Variants in COPG1 observed in about 807,000 individuals in gnomAD.
COPG1 encodes the protein coatomer subunit gamma-1.
COPG1 carries 29 observed loss-of-function variants against 102.8 expected under a neutral mutation model. The observed-to-expected ratio is 0.28, with a 90% confidence interval of 0.21 to 0.38. The LOEUF (loss-of-function observed/expected upper bound fraction) is 0.38, where lower values mean the gene tolerates loss of function less well. Among genes scored for constraint, COPG1 ranks in the 10% least tolerant of loss-of-function variants. The pLI is 1.00. For synonymous variants in COPG1, 406 were observed against 421.6 expected, an observed-to-expected ratio of 0.96 and a Z score of 0.45; for missense variants, 875 against 1,132.7, an observed-to-expected ratio of 0.77 and a Z score of 3.27.
chr3:129,253,931 T>G (rs1576960209), intron 5 of COPG1, among the ~76,000 whole-genome samples: 2 of 121,922 alleles, frequency 1.6e-5, no homozygotes, highest in East Asian at 2.4e-4. Flanking sequence ...ACTGGGGAGG[T>G]GGAGGTTGCA....
intron 23 of COPG1, among the ~76,000 whole-genome samples, chr3:129,276,534 A>T (rs1332319689): frequency 6.6e-6 from 1 of 152,190 alleles, no homozygotes; most frequent in East Asian, 1.9e-4. Flanking sequence ...CAGGGTTGAA[A>T]GGAGGCTCTG....
intron 12 of COPG1, among the ~76,000 whole-genome samples, chr3:129,262,150 A>G (rs1451430930): frequency 1.3e-5 from 2 of 152,058 alleles, no homozygotes; most frequent in Non-Finnish European, 2.9e-5. Flanking sequence ...ACGGTGGCTC[A>G]TGCTTGTAGT....
chr3:129,254,563 G>T (rs1411225300), intron 5 of COPG1, 105 bp from the exon 6 acceptor site: 2 of 747,832 alleles, frequency 2.7e-6, no homozygotes, highest in Non-Finnish European at 4.6e-6. Flanking sequence ...GAGAGCACTG[G>T]TTAGGAGGCT....
At chr3:129,252,845 G>T (rs541331541) in intron 4 of COPG1, 31 bp from the exon 5 acceptor site, 1 of 1,609,862 alleles carries the variant, frequency 6.2e-7, no homozygotes, top group Admixed American at 1.7e-5. Context: ...GTGAGCCCGG[G>T]CTGATAGGGC....
At chr3:129,267,648 A>T (rs1940093927) in intron 15 of COPG1, among the ~76,000 whole-genome samples, 1 of 152,180 alleles carries the variant, frequency 6.6e-6, no homozygotes. Context: ...TTGAGATATA[A>T]TTCACATACC....
chr3:129,259,115 A>G (rs1939871530), intron 10 of COPG1, among the ~76,000 whole-genome samples: 1 of 152,166 alleles, frequency 6.6e-6, no homozygotes, highest in African/African-American at 2.4e-5. Context: ...GGTCAGGCAA[A>G]CAGATGGAGT....
At chr3:129,253,154 C>T (rs1029433712) in intron 5 of COPG1, 199 bp downstream of exon 5, 1 of 530,806 alleles carries the variant, frequency 1.9e-6, no homozygotes, top group Non-Finnish European at 3.4e-6. Context: ...TTGACTTGGA[C>T]ACAAATGCTT....
rs200915564 is a variant in COPG1 at position 129,265,979 on chromosome 3, G to GT, written c.1468+198dup. On this transcript the variant is annotated intron_variant, in intron 14 of 23. Coordinates refer to ENST00000314797, the MANE Select transcript of COPG1 (RefSeq NM_016128.4). ...TGAACAGTTCTTTGTTTTTTGTTTT[G>GT]TTTTTTTTTTTGAGATGGAATCTCG... 1.8e-3 allele frequency among the ~76,000 whole-genome samples: 255 copies of GT among 144,060 alleles called. 4 individuals are homozygous for GT. In the East Asian group the frequency reaches 0.029, roughly 16 times the overall value. 94.5% of individuals were successfully genotyped at this position (144,060 alleles called of 152,430 possible).
chr3:129,262,973 A>G (rs545716109), intron 12 of COPG1, among the ~76,000 whole-genome samples: 109 of 146,956 alleles, frequency 7.4e-4, no homozygotes, highest in African/African-American at 2.7e-3. Flanking sequence ...CAGTAAGCCG[A>G]GATCGTGCCA....
At chr3:129,264,672 TGG>T (rs979610620) in intron 13 of COPG1, among the ~76,000 whole-genome samples, 2 of 152,034 alleles carry the variant, frequency 1.3e-5, no homozygotes, top group African/African-American at 4.8e-5. Context: ...TAAGTAGAGA[TGG>T]GGTCTTGCTG....
chr3:129,271,722 G>A lies in COPG1; in HGVS notation c.1844-45G>A. 1 of 1,608,396 alleles carries A rather than the reference G, an allele frequency of 6.2e-7. No homozygotes were observed. On this transcript the variant is annotated intron_variant, in intron 18 of 23. Coordinates refer to ENST00000314797, the MANE Select transcript of COPG1 (RefSeq NM_016128.4). This position sits in a 1 kb window ranked among gnomAD's most constrained non-coding sequence, Gnocchi z 4.7. ...TTTATTAGAAACCATCAACAAGTTG[G>A]TCTGGGGATCGAGAAGCTGAGTGAA...
rs138400412 is a variant in COPG1 at position 129,266,952 on chromosome 3, G to A, written c.1469-72G>A. 1.5e-4 allele frequency: 208 copies of A among 1,351,896 alleles called. 2 individuals are homozygous for A. The East Asian group carries it at 3.5e-3, about 22-fold the overall frequency. 83.7% of individuals were successfully genotyped at this position (1,351,896 alleles called of 1,614,324 possible). A position where few individuals can be genotyped will look rare whatever the true frequency, so the allele number is the denominator to read the frequency against. Reference sequence around the variant, plus strand: ...GCTCTTCTGCCTGAAGACCCATTCTGAGTGCTGGAAGTGCCCAAACAGTGA... The same window carrying A: ...GCTCTTCTGCCTGAAGACCCATTCTAAGTGCTGGAAGTGCCCAAACAGTGA... On this transcript the variant is annotated intron_variant, in intron 14 of 23. Transcript: ENST00000314797.
At chr3:129,272,573 T>C (rs547199856) in intron 20 of COPG1, among the ~76,000 whole-genome samples, 158 bp downstream of exon 20, 1 of 151,844 alleles carries the variant, frequency 6.6e-6, no homozygotes, top group African/African-American at 2.4e-5. Flanking sequence ...TGCTCTTCTT[T>C]AAAAATTTTT....
In COPG1 at chr3:129,252,343, T is replaced by A; in HGVS notation, c.153T>A (p.Ile51=). The A allele has an allele frequency of 6.2e-7, 1 of 1,611,892 alleles. No individual in the cohort carries two copies. The highest frequency in any genetic ancestry group is 1.1e-5 in the South Asian group (1 of 91,024). ...PRKCAHILTK[I]LYLINQGEHL... ...AATGTGCCCACATCCTCACCAAGATTCTTTATCTCATAAACCAGGTAACAG... is the reference window on the plus strand; with the variant it reads ...AATGTGCCCACATCCTCACCAAGATACTTTATCTCATAAACCAGGTAACAG... The change falls in exon 3 of 24, where the codon ATT becomes ATA. Residue 51 remains isoleucine (I), a synonymous_variant. Transcript: ENST00000314797.
intron 12 of COPG1, among the ~76,000 whole-genome samples, chr3:129,263,451 G>A (rs1241647900): frequency 6.6e-6 from 1 of 152,138 alleles, no homozygotes; most frequent in Non-Finnish European, 1.5e-5. Flanking sequence ...CATATAAGAG[G>A]CGGTTAAAGC....
chr3:129,275,841 A>G lies in COPG1; in HGVS notation c.2494+549A>G. 6.6e-6 allele frequency among the ~76,000 whole-genome samples: 1 copy of G among 152,036 alleles called. No individual in the cohort carries two copies. Among genetic ancestry groups the G allele is most frequent in the Non-Finnish European group, 1.5e-5 (1 of 67,974 alleles). On this transcript the variant is annotated intron_variant, in intron 23 of 23. Coordinates refer to ENST00000314797, the MANE Select transcript of COPG1 (RefSeq NM_016128.4). The surrounding 1 kb of genome is among the most constrained non-coding windows in gnomAD (Gnocchi z 5.0). ...TTTTTTCATCCCAAACTGAATCCTC[A>G]TTTTTTTTATAGTTGCTTAGTATTC...
chr3:129,257,699 T>C (rs1312960829), intron 9 of COPG1, 28 bp from the exon 10 acceptor site: 1 of 1,613,144 alleles, frequency 6.2e-7, no homozygotes, highest in Non-Finnish European at 8.5e-7. Flanking sequence ...CCCCCAACGT[T>C]TTCTTGCCAC....
chr3:129,254,864 G>A, intron 6 of COPG1, 121 bp downstream of exon 6: 2 of 1,185,058 alleles, frequency 1.7e-6, no homozygotes, highest in Non-Finnish European at 1.2e-6. Context: ...GAGGCAGTGT[G>A]CAGGAGCACA....
intron 18 of COPG1, among the ~76,000 whole-genome samples, chr3:129,270,148 C>G (rs1428141297): frequency 1.3e-5 from 2 of 151,172 alleles, no homozygotes; most frequent in Non-Finnish European, 3.0e-5. Context: ...AGCTCAAGAT[C>G]CTTAATTTAA....
Sources: gnomAD v4.1 joint callset for allele counts (sites outside exome capture counted in the v4.1 genomes callset) on GRCh38, gnomAD v4.1.1 for gene constraint, Gnocchi (gnomAD v3.1) non-coding constraint, MANE v1.5 for transcripts, NCBI Gene and HGNC (gene_info 2026-07-23, HGNC 2026-07-21) for gene names.